Variants in LRRTM4 observed in about 807,000 individuals in gnomAD.
The protein encoded by LRRTM4 is leucine-rich repeat transmembrane neuronal protein 4.
Under a neutral mutation model 47.6 loss-of-function variants are expected in LRRTM4, and 25 were observed. The ratio of observed to expected loss-of-function variants is 0.53; its 90% CI spans 0.38 to 0.73. The LOEUF is 0.73. LRRTM4 is among the 30% of genes least tolerant of loss of function. The pLI, the probability that LRRTM4 is intolerant of heterozygous loss-of-function variation, is 0.00. For missense variants in LRRTM4, 638 were observed against 713.4 expected, an observed-to-expected ratio of 0.89 and a Z score of 1.20; for synonymous variants, 311 against 269.5, an observed-to-expected ratio of 1.15 and a Z score of -1.51.
chr2:77,517,409 T>A (rs1485139364), intron 3 of LRRTM4: 1 of 984,428 alleles, frequency 1.0e-6, no homozygotes, highest in East Asian at 1.1e-4. Context: ...AGAATACATA[T>A]CATTTCTTTT....
chr2:76,755,786 T>C (rs1267900510), intron 3 of LRRTM4, among the ~76,000 whole-genome samples: 1 of 152,128 alleles, frequency 6.6e-6, no homozygotes, highest in African/African-American at 2.4e-5. Context: ...AGCAAGGGCA[T>C]ATCTGAACCC....
intron 3 of LRRTM4, among the ~76,000 whole-genome samples, chr2:77,010,492 T>G (rs1677829145): frequency 7.0e-6 from 1 of 142,830 alleles, no homozygotes; most frequent in Non-Finnish European, 1.5e-5. Flanking sequence ...AGAATAGAAT[T>G]GTATTGTTTA....
At chr2:77,029,165 T>A (rs10201530) in intron 3 of LRRTM4, among the ~76,000 whole-genome samples, 1 of 150,088 alleles carries the variant, frequency 6.7e-6, no homozygotes, top group Non-Finnish European at 1.5e-5. Flanking sequence ...TTTGATAACG[T>A]TAGTATTTAG....
chr2:76,807,443 T>TATATACATATATATATAC (rs1340328428), intron 3 of LRRTM4, among the ~76,000 whole-genome samples: 6 of 99,488 alleles, frequency 6.0e-5, no homozygotes, highest in East Asian at 3.4e-4. Context: ...TATACGTATA[T>TATATACATATATATATAC]ACATATATAT....
intron 3 of LRRTM4, among the ~76,000 whole-genome samples, chr2:77,501,287 GA>G (rs1678562596): frequency 6.6e-6 from 1 of 150,528 alleles, no homozygotes; most frequent in Non-Finnish European, 1.5e-5. Context: ...AATTTTAATA[GA>G]AACACAGGTG....
intron 3 of LRRTM4, among the ~76,000 whole-genome samples, chr2:77,314,078 T>G (rs1446012162): frequency 3.9e-5 from 6 of 152,184 alleles, no homozygotes; most frequent in Non-Finnish European, 8.8e-5. Context: ...TTAGAGGATG[T>G]CTAGATTTCA....
Position 77,333,876 on chromosome 2 carries a change from C to T in LRRTM4, c.1551+184442G>A, listed in dbSNP as rs546192581. ...AAGCTGCGGACACTCAGCACCAGCC[C>T]ATGAAAGCAGCTGGGATAGTGGCTG... On this transcript the variant is annotated intron_variant, in intron 3 of 3. Transcript: ENST00000409884. Among the ~76,000 whole-genome samples, 5 of 152,236 alleles carry T rather than the reference C, an allele frequency of 3.3e-5. No homozygotes were observed. In the South Asian group the frequency reaches 1.0e-3, roughly 32 times the overall value.
At chr2:77,175,779 C>A (rs537400381) in intron 3 of LRRTM4, among the ~76,000 whole-genome samples, 1 of 150,840 alleles carries the variant, frequency 6.6e-6, no homozygotes, top group East Asian at 1.9e-4. Flanking sequence ...CTTTGTCACC[C>A]CCACACCCGA....
chr2:77,412,745 G>A (rs774200815), intron 3 of LRRTM4, among the ~76,000 whole-genome samples: 6 of 152,146 alleles, frequency 3.9e-5, no homozygotes, highest in Admixed American at 6.5e-5. Context: ...CTTTACCAGC[G>A]AGTGAGAACT....
chr2:77,138,771 T>TA (rs1270703124), intron 3 of LRRTM4, among the ~76,000 whole-genome samples: 1 of 151,684 alleles, frequency 6.6e-6, no homozygotes, highest in African/African-American at 2.4e-5. Context: ...ATAGACGCAA[T>TA]AAAAAATGAT....
chr2:76,990,637 C>G (rs1403660906), intron 3 of LRRTM4, among the ~76,000 whole-genome samples: 2 of 151,890 alleles, frequency 1.3e-5, no homozygotes, highest in Middle Eastern at 3.4e-3. Flanking sequence ...TTGGAGCACA[C>G]AGATTCATAA....
At chr2:77,462,909 C>T (rs370318680) in intron 3 of LRRTM4, among the ~76,000 whole-genome samples, 6 of 148,114 alleles carry the variant, frequency 4.1e-5, no homozygotes, top group South Asian at 2.1e-4. Flanking sequence ...GTGTGTGTAG[C>T]GGGGGTGGGG....
chr2:77,184,688 A>T (rs1673449680), intron 3 of LRRTM4, among the ~76,000 whole-genome samples: 1 of 152,136 alleles, frequency 6.6e-6, no homozygotes, highest in Non-Finnish European at 1.5e-5. Context: ...GCCATAAATA[A>T]AACAAGCACA....
intron 3 of LRRTM4, among the ~76,000 whole-genome samples, chr2:76,997,858 G>T (rs1257474328): frequency 6.6e-6 from 1 of 151,840 alleles, no homozygotes; most frequent in Non-Finnish European, 1.5e-5. Flanking sequence ...CAGGTCAGTG[G>T]CATCATGAGA....
At chr2:77,029,286 A>G (rs1678568700) in intron 3 of LRRTM4, among the ~76,000 whole-genome samples, 3 of 151,948 alleles carry the variant, frequency 2.0e-5, no homozygotes, top group African/African-American at 7.3e-5. Context: ...ATGAAGTCCC[A>G]CAATAGGCCG....
intron 3 of LRRTM4, among the ~76,000 whole-genome samples, chr2:77,411,515 T>G (rs1371701435): frequency 1.7e-4 from 25 of 145,746 alleles, no homozygotes; most frequent in African/African-American, 6.1e-4. Flanking sequence ...TGCAGTGGCG[T>G]GATCTCGGCT....
chr2:77,514,126 C>G (rs1432575135), intron 3 of LRRTM4, among the ~76,000 whole-genome samples: 1 of 151,758 alleles, frequency 6.6e-6, no homozygotes, highest in Non-Finnish European at 1.5e-5. Flanking sequence ...ACACACACAT[C>G]CTATTTAAAT....
chr2:77,362,077 G>C (rs1273131091), intron 3 of LRRTM4, among the ~76,000 whole-genome samples: 1 of 138,844 alleles, frequency 7.2e-6, no homozygotes, highest in Non-Finnish European at 1.6e-5. Context: ...GACAGAGCTA[G>C]ACTCAGTCTC....
chr2:77,422,956 T>C (rs542776998), intron 3 of LRRTM4, among the ~76,000 whole-genome samples: 56 of 152,218 alleles, frequency 3.7e-4, no homozygotes, highest in African/African-American at 1.2e-3. Flanking sequence ...AAAAAACATA[T>C]AATGAAATAG....
Sources: gnomAD v4.1 joint callset for allele counts (sites outside exome capture counted in the v4.1 genomes callset) on GRCh38, gnomAD v4.1.1 for gene constraint, MANE v1.5 for transcripts, NCBI Gene and HGNC (gene_info 2026-07-23, HGNC 2026-07-21) for gene names.